PTPN14: variants seen among roughly 807,000 people sequenced by gnomAD.
PTPN14 encodes tyrosine-protein phosphatase non-receptor type 14.
PTPN14 carries 53 observed loss-of-function variants against 126.8 expected under a neutral mutation model. The observed-to-expected ratio is 0.42, with a 90% confidence interval of 0.34 to 0.53. The LOEUF (loss-of-function observed/expected upper bound fraction) is 0.53, where lower values mean the gene tolerates loss of function less well. Ranked by LOEUF, PTPN14 falls within the 20% of genes least tolerant of loss-of-function variation. The pLI is 0.08. For missense variants in PTPN14, 1,257 were observed against 1,552.9 expected (o/e 0.81, Z 3.20); for synonymous variants, 630 against 599.3 (o/e 1.05, Z -0.75).
chr1:214,485,397 C>CAA (rs1319643218), intron 1 of PTPN14, among the ~76,000 whole-genome samples: 24 of 152,306 alleles, frequency 1.6e-4, no homozygotes, highest in Admixed American at 5.9e-4. Flanking sequence ...GGAATTCTTT[C>CAA]AGAAAGGGGA....
rs1241713710 is a variant in PTPN14, at chr1:214,353,337, G to A, written c.*4585C>T. 2 of 151,968 alleles carry A rather than the reference G, an allele frequency of 1.3e-5. No individual in the cohort carries two copies. The highest frequency in any genetic ancestry group is 2.9e-5 in the Non-Finnish European group (2 of 67,994). The allele number at this position is 151,968 out of a possible 1,614,324, so 9.4% of individuals were successfully genotyped here. A position where few individuals can be genotyped will look rare whatever the true frequency, so the allele number is the denominator to read the frequency against. On this transcript the variant is annotated 3_prime_UTR_variant, in exon 19 of 19. Transcript: ENST00000366956. ...TCAATGCCTACACATCACTTCATTTGTGTGAATTCAATGTAGTATTCAGCA... is the reference window on the plus strand; with the variant it reads ...TCAATGCCTACACATCACTTCATTTATGTGAATTCAATGTAGTATTCAGCA...
At chr1:214,527,677 T>C (rs1475659294) in intron 1 of PTPN14, among the ~76,000 whole-genome samples, 2 of 152,228 alleles carry the variant, frequency 1.3e-5, no homozygotes, top group Non-Finnish European at 2.9e-5. Flanking sequence ...GGCTAAAACA[T>C]GGACTGGATC....
chr1:214,388,387 T>A (rs1035501258), intron 11 of PTPN14, among the ~76,000 whole-genome samples: 3 of 151,928 alleles, frequency 2.0e-5, no homozygotes, highest in Non-Finnish European at 4.4e-5. Flanking sequence ...AACAGGATAA[T>A]CTCTCATATT....
In PTPN14 at chr1:214,383,846, G is replaced by C. The variant is rs143968043; in HGVS notation, c.2009C>G (p.Thr670Arg). 6.2e-7 allele frequency: 1 copy of C among 1,612,622 alleles called. No homozygotes were observed. Among genetic ancestry groups the C allele is most frequent in the Non-Finnish European group, 8.5e-7 (1 of 1,180,004 alleles). Residue 670 changes from threonine to arginine, a missense_variant, in exon 13 of 19, where the codon ACG (threonine) becomes AGG (arginine). Thr to Arg is a moderately conservative substitution (Grantham distance 71). Transcript: ENST00000366956. The surrounding 1 kb of genome is among the most constrained non-coding windows in gnomAD (Gnocchi z 4.4). ...CTCGGGCGGTCCCTGCTCCCGGAGC[G>C]TGTTGCGGCGAGCCATGGGGAGGTG... is the stretch of plus-strand genomic sequence containing the variant. ...SLHLPMARRN[T>R]LREQGPPEEG...
intron 1 of PTPN14, among the ~76,000 whole-genome samples, chr1:214,498,173 GT>G (rs1244009298): frequency 6.6e-6 from 1 of 152,162 alleles, no homozygotes; most frequent in African/African-American, 2.4e-5. Context: ...GAATGTTATT[GT>G]TTCTGTCCCT....
intron 3 of PTPN14, among the ~76,000 whole-genome samples, chr1:214,435,093 G>A (rs1402701615): frequency 6.6e-6 from 1 of 152,166 alleles, no homozygotes; most frequent in Admixed American, 6.5e-5. Flanking sequence ...ACTTGATCTA[G>A]ACAATTAAAA....
intron 1 of PTPN14, among the ~76,000 whole-genome samples, chr1:214,525,814 G>A (rs1451531932): frequency 6.6e-6 from 1 of 152,154 alleles, no homozygotes; most frequent in Non-Finnish European, 1.5e-5. Context: ...CCACAGGCGT[G>A]CACTTTCCAC....
In PTPN14 at chr1:214,401,755, T is replaced by C. The variant is rs1659024030; in HGVS notation, c.599A>G (p.Glu200Gly). 3 of 1,589,760 alleles carry C rather than the reference T, an allele frequency of 1.9e-6. No individual in the cohort carries two copies. Among genetic ancestry groups the C allele is most frequent in the Non-Finnish European group, 2.6e-6 (3 of 1,160,336 alleles). ...HKAHSGILPAEAELMYINEVE... is the reference protein window; with the variant it reads ...HKAHSGILPAGAELMYINEVE... ...TTCATTGATGTACATCAGTTCAGCT[T>C]CTGCTGGCAGGATTCCACTAAAATC... The change falls in exon 7 of 19, where the codon GAA (glutamate) becomes GGA (glycine). Residue 200 changes from glutamate (E) to glycine (G), a missense_variant. Glu to Gly is a moderately conservative substitution (Grantham distance 98). Coordinates refer to ENST00000366956, the MANE Select transcript of PTPN14 (RefSeq NM_005401.5).
intron 1 of PTPN14, among the ~76,000 whole-genome samples, chr1:214,501,886 C>T (rs1027534561): frequency 1.3e-5 from 2 of 151,754 alleles, no homozygotes; most frequent in Admixed American, 6.6e-5. Flanking sequence ...GGTGAAACCC[C>T]GTCTCTATAA....
Position 214,418,297 on chromosome 1 carries a change from CTT to C in PTPN14, c.345-3573_345-3572del, listed in dbSNP as rs931517151. On this transcript the variant is annotated intron_variant, in intron 3 of 18. Coordinates refer to ENST00000366956, the MANE Select transcript of PTPN14 (RefSeq NM_005401.5). The stretch of plus-strand genomic sequence containing the variant: ...TCTGTCAGGTGGGCAGCAAATAAAC[CTT>C]TGTTTGTGAAAGCCACAGAAGCTTG... 5.6e-4 allele frequency among the ~76,000 whole-genome samples: 86 copies of C among 152,338 alleles called. 3 individuals carry two copies. Among genetic ancestry groups the C allele is most frequent in the African/African-American group, 1.9e-3 (80 of 41,586 alleles).
At chr1:214,460,567 A>T (rs1031946874) in intron 2 of PTPN14, among the ~76,000 whole-genome samples, 18 of 146,968 alleles carry the variant, frequency 1.2e-4, no homozygotes, top group Middle Eastern at 3.6e-3. Context: ...ATCAGTGCAA[A>T]CTGAACTCTG....
chr1:214,480,818 A>C (rs539992656), intron 1 of PTPN14, among the ~76,000 whole-genome samples: 2 of 152,276 alleles, frequency 1.3e-5, no homozygotes, highest in South Asian at 4.1e-4. Flanking sequence ...CACAGCACAT[A>C]ATATTGATCT....
intron 1 of PTPN14, among the ~76,000 whole-genome samples, chr1:214,520,065 A>AAAAAATATACATATATAT: frequency 1.4e-5 from 1 of 71,142 alleles, no homozygotes; most frequent in Non-Finnish European, 2.4e-5. Flanking sequence ...AAAAAAAAAA[A>AAAAAATATACATATATAT]ATATATATAT....
intron 1 of PTPN14, among the ~76,000 whole-genome samples, chr1:214,489,235 C>T (rs1345430315): frequency 2.0e-5 from 3 of 152,114 alleles, no homozygotes; most frequent in African/African-American, 4.8e-5. Context: ...AAGTATATTA[C>T]TTATCCTCAT....
intron 3 of PTPN14, among the ~76,000 whole-genome samples, chr1:214,431,741 C>T (rs1659801994): frequency 6.6e-6 from 1 of 152,118 alleles, no homozygotes; most frequent in African/African-American, 2.4e-5. Context: ...CTCTCTGTGC[C>T]TTAGTTTCCT....
intron 10 of PTPN14, among the ~76,000 whole-genome samples, chr1:214,391,575 T>C (rs1658752482): frequency 6.6e-6 from 1 of 152,114 alleles, no homozygotes; most frequent in Non-Finnish European, 1.5e-5. Flanking sequence ...AGAAGCAACA[T>C]ATTTTTAAAT....
intron 6 of PTPN14, among the ~76,000 whole-genome samples, chr1:214,402,141 GATA>G (rs1659033153): frequency 6.6e-6 from 1 of 151,756 alleles, no homozygotes; most frequent in Non-Finnish European, 1.5e-5. Context: ...TTATCATGAG[GATA>G]ATATTTTGGG....
In PTPN14 at chr1:214,393,713, T is replaced by A. The variant is rs1367674651; in HGVS notation, c.911A>T (p.Gln304Leu). ...LFATRHKFYK[Q>L]NKICTEQSNS... ...TACTTACTCAGTGCAGATTTTGTTT[T>A]GTTTGTAAAACTTGTGTCGTGTGGC... The change falls in exon 10 of 19, where the codon CAA becomes CTA. Residue 304 changes from glutamine (Q) to leucine (L), a missense_variant. Coordinates refer to ENST00000366956, the MANE Select transcript of PTPN14 (RefSeq NM_005401.5). 1 of 1,594,044 alleles carries A rather than the reference T, an allele frequency of 6.3e-7. No individual in the cohort carries two copies. Among genetic ancestry groups the A allele is most frequent in the Admixed American group, 1.7e-5 (1 of 60,002 alleles).
chr1:214,456,908 T>C (rs572976183), intron 2 of PTPN14, among the ~76,000 whole-genome samples: 105 of 152,366 alleles, frequency 6.9e-4, no homozygotes, highest in Middle Eastern at 6.8e-3. Flanking sequence ...TTAATCAGCA[T>C]TGATTATTTT....
Sources: allele counts gnomAD v4.1 joint callset (sites outside exome capture counted in the v4.1 genomes callset), GRCh38; gene constraint gnomAD v4.1.1; non-coding constraint Gnocchi (gnomAD v3.1); transcripts MANE v1.5; gene names NCBI Gene and HGNC (gene_info 2026-07-23, HGNC 2026-07-21).